The following GRM8 variants were observed in gnomAD, a reference collection of about 807,000 sequenced individuals.
GRM8 encodes the protein glutamate metabotropic receptor 8, also known as metabotropic glutamate receptor 8.
Under a neutral mutation model 87.2 loss-of-function variants are expected in GRM8, and 47 were observed. That is an observed-to-expected ratio of 0.54 (90% CI 0.43 to 0.69). GRM8 has a LOEUF of 0.69. Ranked by LOEUF, GRM8 falls within the 30% of genes least tolerant of loss-of-function variation. The pLI, the probability that GRM8 is intolerant of heterozygous loss-of-function variation, is 0.00. For missense variants in GRM8, 1,019 were observed against 1,139.2 expected (o/e 0.89, Z 1.52); for synonymous variants, 396 against 404.5 (o/e 0.98, Z 0.25).
At chr7:126,838,170 C>A (rs1795966248) in intron 6 of GRM8, among the ~76,000 whole-genome samples, 1 of 152,044 alleles carries the variant, frequency 6.6e-6, no homozygotes, top group African/African-American at 2.4e-5. Flanking sequence ...TTAGCTTATT[C>A]TAATTTGATG....
At chr7:126,863,507 A>C (rs533061396) in intron 6 of GRM8, among the ~76,000 whole-genome samples, 1 of 152,206 alleles carries the variant, frequency 6.6e-6, no homozygotes, top group Non-Finnish European at 1.5e-5. Context: ...AAAGTAACTT[A>C]ACCAAGTAAC....
chr7:126,474,273 T>C (rs1035944984), intron 9 of GRM8, among the ~76,000 whole-genome samples: 7 of 151,964 alleles, frequency 4.6e-5, no homozygotes, highest in Non-Finnish European at 8.8e-5. Context: ...TGTGTGTATA[T>C]ATATATATAT....
chr7:126,649,536 T>C (rs1199742279), intron 7 of GRM8, among the ~76,000 whole-genome samples: 2 of 152,144 alleles, frequency 1.3e-5, no homozygotes, highest in Non-Finnish European at 2.9e-5. Context: ...ATAAACTGTC[T>C]TTTATATATA....
At chr7:126,717,210 C>T (rs1332154147) in intron 7 of GRM8, among the ~76,000 whole-genome samples, 1 of 151,312 alleles carries the variant, frequency 6.6e-6, no homozygotes, top group Non-Finnish European at 1.5e-5. Context: ...CCTCAGGCAA[C>T]TCTGGATAGG....
At chr7:127,137,318 G>A (rs1490802745) in intron 2 of GRM8, among the ~76,000 whole-genome samples, 2 of 151,920 alleles carry the variant, frequency 1.3e-5, no homozygotes, top group African/African-American at 4.8e-5. Context: ...CTAGTAATGT[G>A]GATACCTCTA....
At chr7:126,569,953 A>G (rs1227506150) in intron 8 of GRM8, among the ~76,000 whole-genome samples, 2 of 152,140 alleles carry the variant, frequency 1.3e-5, no homozygotes, top group East Asian at 1.9e-4. Flanking sequence ...AGAACAACTT[A>G]TCCCCATAAG....
chr7:126,632,551 T>A (rs952077735), intron 7 of GRM8, among the ~76,000 whole-genome samples: 1 of 152,152 alleles, frequency 6.6e-6, no homozygotes, highest in African/African-American at 2.4e-5. Flanking sequence ...CAAAGGAATA[T>A]AAATTATTCT....
rs534605006 is a variant in GRM8, at chr7:126,839,539, G to A, written c.1156+63003C>T. Among the ~76,000 whole-genome samples, 3 of 152,228 alleles carry A rather than the reference G, an allele frequency of 2.0e-5. No individual in the cohort carries two copies. The South Asian group carries it at 6.2e-4, about 32-fold the overall frequency. ...AAACATTGAATACATTCACATTTAG[G>A]ACCAAGTTTTTCATCAGCTGAGAAA... is the stretch of plus-strand genomic sequence containing the variant. On this transcript the variant is annotated intron_variant, in intron 6 of 10. Transcript: ENST00000339582.
intron 7 of GRM8, among the ~76,000 whole-genome samples, chr7:126,695,770 TG>T (rs142399790): frequency 0.027 from 4,131 of 152,234 alleles, 205 homozygotes; most frequent in African/African-American, 0.094. Context: ...TGATCAGATT[TG>T]CATTTTAGAA....
intron 7 of GRM8, among the ~76,000 whole-genome samples, chr7:126,746,217 C>T (rs929066658): frequency 6.6e-6 from 1 of 151,520 alleles, no homozygotes; most frequent in African/African-American, 2.4e-5. Context: ...ACAAATAAAC[C>T]TTCAATGTAT....
chr7:126,992,354 G>A (rs1273617159), intron 3 of GRM8, among the ~76,000 whole-genome samples: 1 of 152,128 alleles, frequency 6.6e-6, no homozygotes, highest in Non-Finnish European at 1.5e-5. Context: ...TATTGTGCAT[G>A]TAGAAAATCT....
chr7:127,072,326 G>T (rs919653147), intron 3 of GRM8, among the ~76,000 whole-genome samples: 4 of 152,122 alleles, frequency 2.6e-5, no homozygotes, highest in African/African-American at 9.7e-5. Flanking sequence ...TACCCACAAA[G>T]AGTTCTTATG....
At chr7:126,965,711 A>G (rs1333453129) in intron 3 of GRM8, among the ~76,000 whole-genome samples, 1 of 152,080 alleles carries the variant, frequency 6.6e-6, no homozygotes, top group African/African-American at 2.4e-5. Context: ...TTTCTCAAAA[A>G]AATTCAGTAA....
intron 2 of GRM8, among the ~76,000 whole-genome samples, chr7:127,220,560 C>A (rs1355504280): frequency 6.6e-6 from 1 of 152,142 alleles, no homozygotes; most frequent in African/African-American, 2.4e-5. Context: ...TCATGGCTCA[C>A]TATAGCCTCT....
intron 2 of GRM8, among the ~76,000 whole-genome samples, chr7:127,167,909 AG>A (rs1793550696): frequency 6.6e-6 from 1 of 152,224 alleles, no homozygotes; most frequent in South Asian, 2.1e-4. Flanking sequence ...TGAAAACCCT[AG>A]AAGAAAACCT....
chr7:126,706,099 A>ATGCT (rs1241825941), intron 7 of GRM8, among the ~76,000 whole-genome samples: 1 of 152,174 alleles, frequency 6.6e-6, no homozygotes, highest in Non-Finnish European at 1.5e-5. Context: ...TAGTAGGAAG[A>ATGCT]TGCTTGCAAG....
intron 2 of GRM8, among the ~76,000 whole-genome samples, chr7:127,206,228 C>A (rs2299553): frequency 0.15 from 22,917 of 152,206 alleles, 2,186 homozygotes; most frequent in Middle Eastern, 0.2. Context: ...ATGTGCTTTG[C>A]GATTCCTTGC....
intron 7 of GRM8, among the ~76,000 whole-genome samples, chr7:126,748,553 C>A (rs1248333022): frequency 6.7e-6 from 1 of 149,824 alleles, no homozygotes; most frequent in Non-Finnish European, 1.5e-5. Context: ...TCAATTCTCT[C>A]CAAATCTATA....
At chr7:126,956,032 T>C (rs1808647720) in intron 3 of GRM8, among the ~76,000 whole-genome samples, 1 of 152,174 alleles carries the variant, frequency 6.6e-6, no homozygotes, top group Non-Finnish European at 1.5e-5. Flanking sequence ...ATATGTGATG[T>C]GTCCAACAGA....
Sources: gnomAD v4.1 joint callset for allele counts (sites outside exome capture counted in the v4.1 genomes callset) on GRCh38, gnomAD v4.1.1 for gene constraint, MANE v1.5 for transcripts, NCBI Gene and HGNC (gene_info 2026-07-23, HGNC 2026-07-21) for gene names.